Variants in IFT88 observed in about 807,000 individuals in gnomAD.
IFT88 encodes intraflagellar transport 88, also known as intraflagellar transport protein 88 homolog.
A neutral mutation model predicts 119.5 loss-of-function variants in IFT88; 74 were observed. The observed-to-expected ratio is 0.62, with a 90% CI of 0.51 to 0.75. The LOEUF (loss-of-function observed/expected upper bound fraction) is 0.75. Among genes scored for constraint, IFT88 ranks in the 30% least tolerant of loss-of-function variants. The pLI, the probability that IFT88 is intolerant of heterozygous loss-of-function variation, is 0.00. For missense variants in IFT88, 961 were observed against 977.7 expected (o/e 0.98, Z 0.23); for synonymous variants, 279 against 316.7 (o/e 0.88, Z 1.26).
Position 20,601,871 on chromosome 13 carries a change from G to T in IFT88, c.979G>T (p.Ala327Ser), listed in dbSNP as rs943321085. The T allele has an allele frequency of 6.2e-7, 1 of 1,612,014 alleles. No homozygotes were observed. Among genetic ancestry groups the T allele is most frequent in the Non-Finnish European group, 8.5e-7 (1 of 1,178,254 alleles). Residue 327 changes from alanine to serine, a missense_variant, in exon 12 of 26, where the codon GCA becomes TCA. By Grantham distance (99) the Ala-to-Ser change is moderately conservative. Coordinates refer to ENST00000351808, the MANE Select transcript of IFT88 (RefSeq NM_006531.5). ...TGGAGACCGAGAAAAAATGAAGAAG[G>T]CATTCCAAAAATTGATTACTGTTCC... ...AIGDREKMKK[A>S]FQKLITVPLE... is the part of the protein sequence containing the mutation.
intron 20 of IFT88, among the ~76,000 whole-genome samples, chr13:20,652,870 A>T (rs953820815): frequency 1.3e-5 from 2 of 152,196 alleles, no homozygotes; most frequent in South Asian, 4.1e-4. Flanking sequence ...CTAAGCAGAC[A>T]TGGTGGTGTA....
chr13:20,605,387 C>A (rs965225584), intron 13 of IFT88, among the ~76,000 whole-genome samples: 4 of 152,134 alleles, frequency 2.6e-5, no homozygotes, highest in Non-Finnish European at 5.9e-5. Context: ...GTTATTCTGT[C>A]AGTTGTTTCC....
Position 20,596,184 on chromosome 13 carries a change from G to A in IFT88, c.433G>A (p.Val145Ile). ...AAAAATAAAGCAATTAGAGAAGGAA[G>A]TAAATGAGTTGGTAGAAGAAAGCTG... ...EEKIKQLEKE[V>I]NELVEESCIA... The change falls in exon 8 of 26, where the codon GTA (valine) becomes ATA (isoleucine). Residue 145 changes from valine to isoleucine, a missense_variant. Physicochemically the swap from Val to Ile is conservative, Grantham distance 29 (BLOSUM62 3). Coordinates refer to ENST00000351808, the MANE Select transcript of IFT88 (RefSeq NM_006531.5). 6.4e-7 allele frequency: 1 copy of A among 1,560,372 alleles called. No homozygotes were observed. The highest frequency in any genetic ancestry group is 8.7e-7 in the Non-Finnish European group (1 of 1,146,998).
At position 20,641,408 on chromosome 13, in the gene IFT88, T is replaced by C. The variant is rs765909854; in HGVS notation, c.1682+10T>C. Reference sequence around the variant, plus strand: ...ACCAGATAGCAAATATGTATCTTATTTGAAAACCTTAGGGACAGTTATTAA... The same window carrying C: ...ACCAGATAGCAAATATGTATCTTATCTGAAAACCTTAGGGACAGTTATTAA... On this transcript the variant is annotated intron_variant, in intron 18 of 25. Transcript: ENST00000351808. 2 of 1,532,058 alleles carry C rather than the reference T, an allele frequency of 1.3e-6. No individual in the cohort carries two copies. Among genetic ancestry groups the C allele is most frequent in the East Asian group, 2.3e-5 (1 of 44,188 alleles). 94.9% of individuals were successfully genotyped at this position (1,532,058 alleles called of 1,614,324 possible).
At chr13:20,638,045 AATG>A (rs927065969) in intron 16 of IFT88, among the ~76,000 whole-genome samples, 17 of 152,296 alleles carry the variant, frequency 1.1e-4, no homozygotes, top group Non-Finnish European at 2.1e-4. Context: ...TGCTGCAGCA[AATG>A]ATGACATGCA....
At chr13:20,673,319 GA>G (rs1297635972) in intron 24 of IFT88, among the ~76,000 whole-genome samples, 2 of 152,154 alleles carry the variant, frequency 1.3e-5, no homozygotes, top group African/African-American at 4.8e-5. Flanking sequence ...ATCTGCCTCA[GA>G]AACATCAGTA....
rs370694882 is a variant in IFT88 at position 20,656,320 on chromosome 13, A to G, written c.2003-45A>G. On this transcript the variant is annotated intron_variant, in intron 21 of 25. Coordinates refer to ENST00000351808, the MANE Select transcript of IFT88 (RefSeq NM_006531.5). ...AATTAATATTTTTCTGAATCCTGTT[A>G]GTTTCTATAATTTGCTAATATATTT... The G allele has an allele frequency of 3.5e-4, 284 of 813,236 alleles. 1 individual carries two copies. The highest frequency in any genetic ancestry group is 5.3e-4 in the Non-Finnish European group (271 of 514,592). 50.4% of individuals were successfully genotyped at this position (813,236 alleles called of 1,614,324 possible).
intron 24 of IFT88, among the ~76,000 whole-genome samples, chr13:20,690,086 T>C: frequency 6.6e-6 from 1 of 152,202 alleles, no homozygotes; most frequent in Non-Finnish European, 1.5e-5. Context: ...TTCTGATTTA[T>C]TCCCAGAGAC....
chr13:20,665,066 G>A (rs1232097758), intron 23 of IFT88, among the ~76,000 whole-genome samples: 8 of 145,714 alleles, frequency 5.5e-5, no homozygotes, highest in Non-Finnish European at 3.0e-5. Context: ...GCAACAGAGC[G>A]ACACTCCGTC....
Position 20,663,509 on chromosome 13 carries a change from T to A in IFT88, c.2080T>A (p.Leu694Ile). ...ATTTTACAATTTAGGTCTGCGTTTC[T>A]TAGTTCGTCTCTGCACAGATCTTGG... ...FPENVECLRFLVRLCTDLGLK... is the reference protein window; with the variant it reads ...FPENVECLRFIVRLCTDLGLK... The change falls in exon 23 of 26, where the codon TTA (leucine) becomes ATA (isoleucine). Residue 694 changes from leucine to isoleucine, a missense_variant. By Grantham distance (5) the Leu-to-Ile change is conservative. Coordinates refer to ENST00000351808, the MANE Select transcript of IFT88 (RefSeq NM_006531.5). 6.2e-7 allele frequency: 1 copy of A among 1,613,396 alleles called. No homozygotes were observed. Among genetic ancestry groups the A allele is most frequent in the Non-Finnish European group, 8.5e-7 (1 of 1,179,730 alleles).
At chr13:20,608,645 A>G (rs1264108236) in intron 13 of IFT88, among the ~76,000 whole-genome samples, 1 of 152,204 alleles carries the variant, frequency 6.6e-6, no homozygotes, top group Non-Finnish European at 1.5e-5. Flanking sequence ...AGATATGCAT[A>G]GGACCAACAG....
At chr13:20,589,309 C>G (rs1211290289) in intron 3 of IFT88, among the ~76,000 whole-genome samples, 1 of 152,116 alleles carries the variant, frequency 6.6e-6, no homozygotes, top group African/African-American at 2.4e-5. Context: ...TTTTAGTATA[C>G]TTTCATCGAT....
intron 14 of IFT88, among the ~76,000 whole-genome samples, chr13:20,621,192 A>T (rs995499505): frequency 2.6e-5 from 4 of 151,956 alleles, no homozygotes; most frequent in Non-Finnish European, 4.4e-5. Flanking sequence ...TCAGCCTCCC[A>T]AGTATCTGGG....
chr13:20,685,325 C>T (rs7333306), intron 24 of IFT88, among the ~76,000 whole-genome samples: 32,158 of 152,088 alleles, frequency 0.21, 3,937 homozygotes, highest in African/African-American at 0.31. Flanking sequence ...ATAGCCATCA[C>T]GAGCATGCCA....
intron 3 of IFT88, among the ~76,000 whole-genome samples, chr13:20,584,605 T>C (rs2039309466): frequency 1.3e-5 from 2 of 152,160 alleles, no homozygotes; most frequent in African/African-American, 4.8e-5. Context: ...TTTTCAGTAT[T>C]AGTATTAAGG....
rs187756968 is a variant in IFT88, at chr13:20,593,103, A to G, written c.398+699A>G. Among the ~76,000 whole-genome samples the G allele has an allele frequency of 2.0e-5, 3 of 152,334 alleles. No individual in the cohort carries two copies. The East Asian group carries it at 5.8e-4, about 29-fold the overall frequency. On this transcript the variant is annotated intron_variant, in intron 7 of 25. Transcript: ENST00000351808. ...AAATTAAGAGAACACATATGAAATT[A>G]ATGTGTCATATTATTGAGAAATTTA...
intron 16 of IFT88, among the ~76,000 whole-genome samples, chr13:20,635,482 T>C (rs1263438422): frequency 6.6e-6 from 1 of 152,176 alleles, no homozygotes; most frequent in Admixed American, 6.5e-5. Flanking sequence ...TGCTCCCTAG[T>C]CTGAGAAAAA....
chr13:20,587,619 AT>A (rs1292862549), intron 3 of IFT88, among the ~76,000 whole-genome samples: 3 of 151,720 alleles, frequency 2.0e-5, no homozygotes, highest in Admixed American at 1.3e-4. Flanking sequence ...GTGGGTTTGT[AT>A]TTTTTTTAGG....
In IFT88 at chr13:20,631,102, GGT is replaced by G; in HGVS notation, c.1386+1_1386+2del. The G allele has an allele frequency of 6.3e-7, 1 of 1,585,708 alleles. No individual in the cohort carries two copies. Among genetic ancestry groups the G allele is most frequent in the Non-Finnish European group, 8.7e-7 (1 of 1,154,108 alleles). ...CCAATCTCTCAGCCCTGTATTATAT[GGT>G]AAGTTTTTTTACTACTAAGAGTTAA... is the stretch of plus-strand genomic sequence containing the variant. On this transcript the variant is annotated splice_donor_variant, in intron 16 of 25. Coordinates refer to ENST00000351808, the MANE Select transcript of IFT88 (RefSeq NM_006531.5). LOFTEE classifies it high-confidence loss of function.
Sources: allele counts gnomAD v4.1 joint callset (sites outside exome capture counted in the v4.1 genomes callset), GRCh38; gene constraint gnomAD v4.1.1; transcripts MANE v1.5; gene names NCBI Gene and HGNC (gene_info 2026-07-23, HGNC 2026-07-21).